The following DCAF13 variants were observed in gnomAD, a reference collection of about 807,000 sequenced individuals.
The protein encoded by DCAF13 is DDB1- and CUL4-associated factor 13.
DCAF13 carries 38 observed loss-of-function variants against 59.0 expected under a neutral mutation model. The ratio of observed to expected loss-of-function variants is 0.64; its 90% CI spans 0.50 to 0.84. The LOEUF is 0.84. Ranked by LOEUF, DCAF13 falls within the 40% of genes least tolerant of loss-of-function variation. DCAF13 has a pLI of 0.00. For synonymous variants in DCAF13, 173 were observed against 175.0 expected, an observed-to-expected ratio of 0.99 and a Z score of 0.09; for missense variants, 469 against 558.4, an observed-to-expected ratio of 0.84 and a Z score of 1.61.
chr8:103,417,641 CAA>C (rs34702662), intron 1 of DCAF13, among the ~76,000 whole-genome samples: 36 of 75,932 alleles, frequency 4.7e-4, no homozygotes, highest in Admixed American at 7.1e-4. Context: ...GACTCCGTCT[CAA>C]AAAAAAAAAA....
intron 3 of DCAF13, among the ~76,000 whole-genome samples, chr8:103,424,829 C>T (rs780905173): frequency 2.0e-5 from 3 of 152,190 alleles, no homozygotes; most frequent in Non-Finnish European, 2.9e-5. Flanking sequence ...ACATCTTAGT[C>T]TCCCAGTAGA....
chr8:103,438,591 T>C (rs1816964384), intron 8 of DCAF13, among the ~76,000 whole-genome samples: 1 of 152,060 alleles, frequency 6.6e-6, no homozygotes, highest in African/African-American at 2.4e-5. Context: ...CTTTAGTAGC[T>C]ATGGGGTCTC....
intron 8 of DCAF13, 38 bp from the exon 9 acceptor site, chr8:103,440,098 A>C (rs1816987947): frequency 5.3e-6 from 8 of 1,499,798 alleles, no homozygotes; most frequent in Non-Finnish European, 7.1e-6. Context: ...AATCTGTACC[A>C]AAATCCAAAG....
chr8:103,438,914 C>T (rs1489167841), intron 8 of DCAF13, among the ~76,000 whole-genome samples: 1 of 152,182 alleles, frequency 6.6e-6, no homozygotes, highest in African/African-American at 2.4e-5. Flanking sequence ...TTTCTTAACA[C>T]TTACTAATAT....
At position 103,415,417 on chromosome 8, in the gene DCAF13, T is replaced by C. The variant is rs1448201487; in HGVS notation, c.-30T>C. 22 of 1,613,878 alleles carry C rather than the reference T, an allele frequency of 1.4e-5. No individual in the cohort carries two copies. Among genetic ancestry groups the C allele is most frequent in the Non-Finnish European group, 1.7e-5 (20 of 1,179,994 alleles). ...GTGGGCGGAACTCCTAGCGGACACCTCGTGGAGTCCGGCCGGAAGAGCAAC... is the reference window on the plus strand; with the variant it reads ...GTGGGCGGAACTCCTAGCGGACACCCCGTGGAGTCCGGCCGGAAGAGCAAC... On this transcript the variant is annotated 5_prime_UTR_variant, in exon 1 of 11. Coordinates refer to ENST00000612750, the MANE Select transcript of DCAF13 (RefSeq NM_015420.7).
At chr8:103,434,719 G>C (rs1440444492) in intron 7 of DCAF13, among the ~76,000 whole-genome samples, 3 of 151,940 alleles carry the variant, frequency 2.0e-5, no homozygotes, top group African/African-American at 7.3e-5. Flanking sequence ...CAATATTGCT[G>C]TATTACTTTT....
rs761862300 is a variant in DCAF13 at position 103,420,309 on chromosome 8, G to A, written c.116G>A (p.Arg39Gln). 167 of 1,613,946 alleles carry A rather than the reference G, an allele frequency of 1.0e-4. No homozygotes were observed. The highest frequency in any genetic ancestry group is 1.3e-4 in the Non-Finnish European group (156 of 1,180,018). The change falls in exon 2 of 11, where the codon CGA becomes CAA. Residue 39 changes from arginine to glutamine, a missense_variant. This residue lies in a region of DCAF13 where 355 missense variants were observed against 399.1 expected (regional missense o/e 0.89). Coordinates refer to ENST00000612750, the MANE Select transcript of DCAF13 (RefSeq NM_015420.7). ...GCTTTACATCCTTTTGAGGTCCCAC[G>A]AGAATATATAAGAGCTTTAAATGCT... Reference protein sequence around the residue: ...DPALHPFEVPREYIRALNATK... With the variant: ...DPALHPFEVPQEYIRALNATK...
At chr8:103,420,120 C>A (rs1424939525) in intron 1 of DCAF13, 144 bp from the exon 2 acceptor site, 1 of 730,412 alleles carries the variant, frequency 1.4e-6, no homozygotes, top group East Asian at 2.8e-5. Context: ...TTCTGAACAA[C>A]AGGTCTTCTA....
intron 6 of DCAF13, among the ~76,000 whole-genome samples, chr8:103,431,875 G>A (rs1318046951): frequency 6.6e-6 from 1 of 151,876 alleles, no homozygotes; most frequent in African/African-American, 2.4e-5. Context: ...TTAATTTTAG[G>A]TTGAAGAAAA....
At chr8:103,430,902 G>C (rs1163192556) in intron 6 of DCAF13, among the ~76,000 whole-genome samples, 1 of 152,078 alleles carries the variant, frequency 6.6e-6, no homozygotes, top group Non-Finnish European at 1.5e-5. Flanking sequence ...TTGTATCCTA[G>C]TCACCAACCT....
chr8:103,430,770 C>A, intron 6 of DCAF13, 81 bp downstream of exon 6: 1 of 976,160 alleles, frequency 1.0e-6, no homozygotes, highest in Non-Finnish European at 1.5e-6. Flanking sequence ...CAATATGGAG[C>A]AAATATTTTC....
At chr8:103,439,619 C>CT (rs1816981073) in intron 8 of DCAF13, 1 of 152,002 alleles carries the variant, frequency 6.6e-6, no homozygotes, top group African/African-American at 2.4e-5. Flanking sequence ...ATTAATTAAG[C>CT]TTTTTAAACA....
At chr8:103,418,866 AT>A (rs1159489554) in intron 1 of DCAF13, among the ~76,000 whole-genome samples, 18 of 38,404 alleles carry the variant, frequency 4.7e-4, no homozygotes, top group African/African-American at 1.2e-3. Flanking sequence ...ATATATATAT[AT>A]TTTTTTTTTT....
rs1420353923 is a variant in DCAF13 at position 103,443,171 on chromosome 8, T to TTCTC, written c.*289_*290insTCTC. ...ACTTACTTTCTCTTTGATCTATTATTGTAGACACTATACATTCAAATTGAC... is the reference window on the plus strand; with the variant it reads ...ACTTACTTTCTCTTTGATCTATTATTTCTCGTAGACACTATACATTCAAATTGAC... On this transcript the variant is annotated 3_prime_UTR_variant, in exon 11 of 11. Transcript: ENST00000612750. The TTCTC allele has an allele frequency of 4.6e-6, 1 of 216,042 alleles. No homozygotes were observed. Among genetic ancestry groups the TTCTC allele is most frequent in the Non-Finnish European group, 9.1e-6 (1 of 109,722 alleles). 13.4% of individuals were successfully genotyped at this position (216,042 alleles called of 1,614,324 possible). A position where few individuals can be genotyped will look rare whatever the true frequency, so the allele number is the denominator to read the frequency against.
intron 7 of DCAF13, among the ~76,000 whole-genome samples, chr8:103,432,991 G>GT (rs1170655283): frequency 1.3e-5 from 2 of 152,086 alleles, no homozygotes; most frequent in Non-Finnish European, 1.5e-5. Context: ...TCTGTTGCCT[G>GT]TTTTTTATAA....
chr8:103,420,285 C>T lies in DCAF13; in HGVS notation c.92C>T (p.Ala31Val), dbSNP rs142400258. ...TCAGTTCCAAGAAACTATGATCCTG[C>T]TTTACATCCTTTTGAGGTCCCACGA... is the stretch of plus-strand genomic sequence containing the variant. The part of the protein sequence containing the change: ...LQRVPRNYDP[A>V]LHPFEVPREY... The change falls in exon 2 of 11, where the codon GCT (alanine) becomes GTT (valine). Residue 31 changes from alanine to valine, a missense_variant. By Grantham distance (64) the Ala-to-Val change is moderately conservative. Transcript: ENST00000612750. The T allele has an allele frequency of 8.7e-6, 14 of 1,613,778 alleles. No homozygotes were observed. The highest frequency in any genetic ancestry group is 2.7e-5 in the African/African-American group (2 of 74,910).
intron 8 of DCAF13, chr8:103,439,609 A>G (rs1386715657): frequency 1.3e-5 from 2 of 152,014 alleles, no homozygotes; most frequent in Non-Finnish European, 2.9e-5. Context: ...GGCTGGTCTA[A>G]TTAATTAAGC....
chr8:103,420,920 C>A, intron 2 of DCAF13, 55 bp from the exon 3 acceptor site: 1 of 1,251,312 alleles, frequency 8.0e-7, no homozygotes, highest in Non-Finnish European at 1.2e-6. Context: ...TTGAATTTAT[C>A]CTGAACATTT....
At chr8:103,440,464 C>G (rs766563782) in intron 9 of DCAF13, 193 bp downstream of exon 9, 7 of 405,268 alleles carry the variant, frequency 1.7e-5, no homozygotes, top group Non-Finnish European at 3.0e-5. Context: ...ATTGTAGACA[C>G]TGTACATTCA....
Sources: allele counts gnomAD v4.1 joint callset (sites outside exome capture counted in the v4.1 genomes callset), GRCh38; gene constraint gnomAD v4.1.1; regional missense constraint gnomAD v4.1.1; transcripts MANE v1.5; gene names NCBI Gene and HGNC (gene_info 2026-07-23, HGNC 2026-07-21).